The following ROBO2 variants were observed in gnomAD, a reference collection of about 807,000 sequenced individuals.
The protein encoded by ROBO2 is roundabout guidance receptor 2, also known as roundabout homolog 2.
A neutral mutation model predicts 160.8 loss-of-function variants in ROBO2; 53 were observed. The ratio of observed to expected loss-of-function variants is 0.33; its 90% CI spans 0.26 to 0.41. The LOEUF (loss-of-function observed/expected upper bound fraction) is 0.41. Among genes scored for constraint, ROBO2 ranks in the 10% least tolerant of loss-of-function variants. ROBO2 has a pLI of 1.00. For missense variants in ROBO2, 1,577 were observed against 1,722.4 expected (o/e 0.92, Z 1.49); for synonymous variants, 664 against 611.7 (o/e 1.09, Z -1.26).
exon 5 of ROBO2, chr3:77,493,286 T>G: frequency 6.2e-7 from 1 of 1,614,028 alleles, no homozygotes; most frequent in Non-Finnish European, 8.5e-7. Context: ...CAGGTGGTAC[T>G]GGAGGAAGAA....
chr3:76,047,667 A>G (rs2067495467), intron 2 of ROBO2, among the ~76,000 whole-genome samples: 1 of 152,204 alleles, frequency 6.6e-6, no homozygotes, highest in African/African-American at 2.4e-5. Flanking sequence ...TAAGATGTAG[A>G]TGTTCCGATA....
chr3:76,655,459 T>TATATATATATATA (rs1382812450), intron 2 of ROBO2, among the ~76,000 whole-genome samples: 16 of 133,270 alleles, frequency 1.2e-4, no homozygotes, highest in South Asian at 2.5e-4. Flanking sequence ...TATATATGGA[T>TATATATATATATA]TTTTTTCCCT....
At chr3:76,020,113 A>G (rs1202418296) in intron 2 of ROBO2, among the ~76,000 whole-genome samples, 1 of 151,948 alleles carries the variant, frequency 6.6e-6, no homozygotes, top group Non-Finnish European at 1.5e-5. Context: ...ATGTATAATT[A>G]TCATTGTTTT....
intron 1 of ROBO2, among the ~76,000 whole-genome samples, chr3:77,049,061 G>A (rs762533492): frequency 6.6e-6 from 1 of 152,116 alleles, no homozygotes; most frequent in Non-Finnish European, 1.5e-5. Flanking sequence ...CGGCGCAGTG[G>A]CTCACCCCTG....
At chr3:76,911,378 A>T (rs1166997) in intron 2 of ROBO2, among the ~76,000 whole-genome samples, 3,178 of 152,304 alleles carry the variant, frequency 0.021, 117 homozygotes, top group African/African-American at 0.073. Context: ...AATCAGGGGA[A>T]AAACATGGCA....
chr3:77,530,680 G>A (rs1436557366), intron 6 of ROBO2, among the ~76,000 whole-genome samples: 3 of 151,992 alleles, frequency 2.0e-5, no homozygotes, highest in Non-Finnish European at 2.9e-5. Context: ...ATATTTGCTG[G>A]TTGCCACAAA....
chr3:76,458,358 G>A (rs1156909386), intron 2 of ROBO2, among the ~76,000 whole-genome samples: 3 of 151,420 alleles, frequency 2.0e-5, no homozygotes, highest in Non-Finnish European at 2.9e-5. Flanking sequence ...CATAACAAGA[G>A]TCACCTTTAC....
intron 2 of ROBO2, among the ~76,000 whole-genome samples, chr3:76,508,612 A>T (rs1356331557): frequency 6.6e-6 from 1 of 152,200 alleles, no homozygotes; most frequent in South Asian, 2.1e-4. Context: ...TTATTTTAGT[A>T]CAAATGTAGT....
intron 1 of ROBO2, among the ~76,000 whole-genome samples, chr3:77,044,526 C>T (rs2064436881): frequency 6.6e-6 from 1 of 151,758 alleles, no homozygotes. Flanking sequence ...CGTCTCTTTC[C>T]TTTTCTTATT....
Position 77,040,954 on chromosome 3 carries a change from T to G in ROBO2, c.61+108T>G. 3 of 1,476,198 alleles carry G rather than the reference T, an allele frequency of 2.0e-6. No individual in the cohort carries two copies. In the Admixed American group the frequency reaches 5.2e-5, roughly 25 times the overall value. 91.4% of individuals were successfully genotyped at this position (1,476,198 alleles called of 1,614,324 possible). ...GTTATAAATGAAATGACATTATGTC[T>G]GTTAGTCCGTTTTGGCCCGGCACGG... On this transcript the variant is annotated intron_variant, in intron 1 of 25. Coordinates refer to ENST00000461745, the Ensembl canonical transcript of ROBO2.
intron 2 of ROBO2, among the ~76,000 whole-genome samples, chr3:76,986,831 A>C (rs1202492108): frequency 6.6e-6 from 1 of 152,172 alleles, no homozygotes; most frequent in Non-Finnish European, 1.5e-5. Context: ...CTTCATCTTT[A>C]ATTGATATCT....
chr3:76,262,822 G>T (rs1029213633), intron 2 of ROBO2, among the ~76,000 whole-genome samples: 1 of 152,064 alleles, frequency 6.6e-6, no homozygotes, highest in South Asian at 2.1e-4. Flanking sequence ...AGGACTTTGG[G>T]CTAACTACAG....
chr3:77,329,095 G>A (rs2065733166), intron 2 of ROBO2, among the ~76,000 whole-genome samples: 1 of 152,198 alleles, frequency 6.6e-6, no homozygotes, highest in African/African-American at 2.4e-5. Context: ...CCTGAACAGA[G>A]TTTAACACTT....
At chr3:77,237,809 C>A (rs927877335) in intron 2 of ROBO2, among the ~76,000 whole-genome samples, 2 of 152,122 alleles carry the variant, frequency 1.3e-5, no homozygotes, top group African/African-American at 4.8e-5. Context: ...TTGAAAGGAA[C>A]TGCCAGACTG....
intron 2 of ROBO2, among the ~76,000 whole-genome samples, chr3:77,311,761 C>A (rs756710060): frequency 1.3e-5 from 2 of 152,130 alleles, no homozygotes; most frequent in Non-Finnish European, 1.5e-5. Flanking sequence ...ACAACTGTCT[C>A]ATTCTTTCGT....
At chr3:77,150,770 CTTCT>C (rs1262238322) in intron 2 of ROBO2, among the ~76,000 whole-genome samples, 2 of 151,220 alleles carry the variant, frequency 1.3e-5, no homozygotes, top group African/African-American at 2.4e-5. Context: ...CCCTACTTTT[CTTCT>C]TTCTAATAAT....
intron 2 of ROBO2, among the ~76,000 whole-genome samples, chr3:76,674,598 T>TCACACACACACA (rs71104613): frequency 0.05 from 7,420 of 148,092 alleles, 192 homozygotes; most frequent in South Asian, 0.063. Context: ...ACCTCCTAGT[T>TCACACACACACA]CACACACACA....
At chr3:77,437,856 A>G (rs1469087895) in intron 2 of ROBO2, among the ~76,000 whole-genome samples, 1 of 152,024 alleles carries the variant, frequency 6.6e-6, no homozygotes, top group Non-Finnish European at 1.5e-5. Flanking sequence ...TGACCAGTCA[A>G]TTCCTTAATA....
intron 2 of ROBO2, among the ~76,000 whole-genome samples, chr3:76,716,887 G>T (rs989140274): frequency 6.6e-6 from 1 of 152,116 alleles, no homozygotes; most frequent in Non-Finnish European, 1.5e-5. Flanking sequence ...ACATCCTCCT[G>T]TTTAAGTCAT....
Sources: allele counts gnomAD v4.1 joint callset (sites outside exome capture counted in the v4.1 genomes callset), GRCh38; gene constraint gnomAD v4.1.1; transcripts MANE v1.5; gene names NCBI Gene and HGNC (gene_info 2026-07-23, HGNC 2026-07-21).